The following BBX variants were observed in gnomAD, a reference collection of about 807,000 sequenced individuals.
BBX encodes the protein BBX high mobility group box domain containing.
BBX carries 30 observed loss-of-function variants against 100.2 expected under a neutral mutation model. That is an observed-to-expected ratio of 0.30 (90% CI 0.22 to 0.41). The LOEUF is 0.41. Ranked by LOEUF, BBX falls within the 10% of genes least tolerant of loss-of-function variation. The probability of loss-of-function intolerance (pLI) is 1.00; values close to 1 mark genes in which losing one functional copy is unlikely to be tolerated. For missense variants in BBX, 1,023 were observed against 1,129.8 expected (o/e 0.91, Z 1.35); for synonymous variants, 376 against 388.1 (o/e 0.97, Z 0.37).
chr3:107,591,707 T>TG (rs572303176), intron 2 of BBX, among the ~76,000 whole-genome samples: 1 of 152,162 alleles, frequency 6.6e-6, no homozygotes, highest in African/African-American at 2.4e-5. Context: ...AGGCGGGTCT[T>TG]GAACTCCTGG....
At chr3:107,613,135 T>TCTGTAGGGCACTG (rs2054968470) in intron 2 of BBX, among the ~76,000 whole-genome samples, 1 of 151,640 alleles carries the variant, frequency 6.6e-6, no homozygotes, top group African/African-American at 2.4e-5. Flanking sequence ...TGGGTCTTAG[T>TCTGTAGGGCACTG]CTGTAGGGCA....
intron 6 of BBX, among the ~76,000 whole-genome samples, chr3:107,730,811 A>G (rs1458863186): frequency 6.6e-6 from 1 of 152,226 alleles, no homozygotes. Context: ...TATAGTGGAT[A>G]ACATTGATCT....
intron 7 of BBX, 130 bp from the exon 8 acceptor site, chr3:107,744,500 A>G: frequency 1.5e-6 from 1 of 680,472 alleles, no homozygotes; most frequent in Admixed American, 2.6e-5. Flanking sequence ...TGAGAAAAAT[A>G]CTTGATTAAA....
intron 3 of BBX, among the ~76,000 whole-genome samples, chr3:107,649,618 A>G (rs2107801397): frequency 6.6e-6 from 1 of 150,706 alleles, no homozygotes; most frequent in Non-Finnish European, 1.5e-5. Context: ...TACCTCTGAT[A>G]GACATCCGAC....
At chr3:107,697,951 C>A (rs566403123) in intron 3 of BBX, among the ~76,000 whole-genome samples, 1 of 151,872 alleles carries the variant, frequency 6.6e-6, no homozygotes, top group Admixed American at 6.5e-5. Context: ...GTGGGAGTGA[C>A]CCGATTTTCC....
chr3:107,789,901 G>A (rs2068814427), intron 14 of BBX, 25 bp downstream of exon 14: 1 of 1,509,810 alleles, frequency 6.6e-7, no homozygotes, highest in Non-Finnish European at 9.0e-7. Context: ...CATCCTCCAT[G>A]AAGGGTTCTT....
At chr3:107,793,567 C>T (rs1208618047) in intron 15 of BBX, among the ~76,000 whole-genome samples, 1 of 152,142 alleles carries the variant, frequency 6.6e-6, no homozygotes, top group East Asian at 1.9e-4. Context: ...CTTTAATCCT[C>T]TCTCTCGTCT....
intron 2 of BBX, among the ~76,000 whole-genome samples, chr3:107,544,841 T>TG (rs2049104663): frequency 2.0e-5 from 2 of 99,366 alleles, no homozygotes; most frequent in African/African-American, 7.6e-5. Flanking sequence ...CTGTCTCTAC[T>TG]AAAAAAAAAA....
chr3:107,788,400 T>C (rs893123725), intron 13 of BBX, among the ~76,000 whole-genome samples: 2 of 152,114 alleles, frequency 1.3e-5, no homozygotes. Flanking sequence ...GGACCCACAA[T>C]TGGCCTTCAC....
chr3:107,780,954 A>G (rs1315666796), intron 13 of BBX, among the ~76,000 whole-genome samples: 1 of 151,632 alleles, frequency 6.6e-6, no homozygotes, highest in Non-Finnish European at 1.5e-5. Flanking sequence ...CAGAAACCTA[A>G]TTTTTCCTCT....
chr3:107,655,211 A>C (rs2058062103), intron 3 of BBX, among the ~76,000 whole-genome samples: 1 of 152,152 alleles, frequency 6.6e-6, no homozygotes, highest in South Asian at 2.1e-4. Context: ...GTTTGATTTT[A>C]TTTTAATTGT....
At chr3:107,697,740 T>C (rs4855762) in intron 3 of BBX, among the ~76,000 whole-genome samples, 149,283 of 151,664 alleles carry the variant, frequency 0.98, 73,559 homozygotes, top group Middle Eastern at 1. Flanking sequence ...TCGAGCTTCC[T>C]GGCTGCTTTG....
intron 13 of BBX, among the ~76,000 whole-genome samples, chr3:107,778,999 A>G (rs2067572490): frequency 1.5e-5 from 1 of 68,470 alleles, no homozygotes; most frequent in Admixed American, 1.5e-4. Flanking sequence ...AGCAACATAT[A>G]TATATATATA....
chr3:107,594,239 A>G (rs1014884566), intron 2 of BBX, among the ~76,000 whole-genome samples: 1 of 151,814 alleles, frequency 6.6e-6, no homozygotes, highest in Non-Finnish European at 1.5e-5. Context: ...AGTAGCTGAT[A>G]TTTTTTCACG....
At chr3:107,683,101 T>C (rs183376668) in intron 3 of BBX, among the ~76,000 whole-genome samples, 18 of 152,326 alleles carry the variant, frequency 1.2e-4, no homozygotes, top group East Asian at 5.8e-4. Flanking sequence ...CATTTCAGCA[T>C]GTTTACTAGG....
At chr3:107,785,186 A>T (rs186972482) in intron 13 of BBX, among the ~76,000 whole-genome samples, 1 of 151,594 alleles carries the variant, frequency 6.6e-6, no homozygotes, top group African/African-American at 2.4e-5. Context: ...GGGGAAAAAA[A>T]AAAAAAAGCC....
intron 9 of BBX, among the ~76,000 whole-genome samples, chr3:107,749,158 T>G (rs1029709498): frequency 6.6e-6 from 1 of 152,212 alleles, no homozygotes; most frequent in Non-Finnish European, 1.5e-5. Flanking sequence ...ATAATGTTAT[T>G]TCATGAAGAA....
chr3:107,703,545 CCTT>C, intron 3 of BBX, among the ~76,000 whole-genome samples: 1 of 152,122 alleles, frequency 6.6e-6, no homozygotes, highest in Non-Finnish European at 1.5e-5. Context: ...ACAGCTAAGC[CCTT>C]CTTTGAATAG....
At chr3:107,664,077 T>A (rs1330579603) in intron 3 of BBX, among the ~76,000 whole-genome samples, 2 of 152,238 alleles carry the variant, frequency 1.3e-5, no homozygotes, top group Non-Finnish European at 2.9e-5. Context: ...AATGCTGGGC[T>A]TACAAGTGTG....
Sources: gnomAD v4.1 joint callset for allele counts (sites outside exome capture counted in the v4.1 genomes callset) on GRCh38, gnomAD v4.1.1 for gene constraint, MANE v1.5 for transcripts, NCBI Gene and HGNC (gene_info 2026-07-23, HGNC 2026-07-21) for gene names.